KCMF1: variants seen among roughly 807,000 people sequenced by gnomAD.
KCMF1 encodes the protein E3 ubiquitin-protein ligase KCMF1.
KCMF1 carries 3 observed loss-of-function variants against 41.1 expected under a neutral mutation model. The observed-to-expected ratio is 0.07, with a 90% CI of 0.03 to 0.19. The LOEUF (loss-of-function observed/expected upper bound fraction) is 0.19, where lower values mean the gene tolerates loss of function less well. KCMF1 is among the 10% of genes least tolerant of loss of function. The probability of loss-of-function intolerance (pLI) is 1.00; values close to 1 mark genes in which losing one functional copy is unlikely to be tolerated. For missense variants in KCMF1, 286 were observed against 488.9 expected, an observed-to-expected ratio of 0.58 and a Z score of 3.91; for synonymous variants, 142 against 164.5, an observed-to-expected ratio of 0.86 and a Z score of 1.04.
intron 1 of KCMF1, among the ~76,000 whole-genome samples, chr2:84,977,784 G>A (rs947773792): frequency 6.6e-6 from 1 of 152,048 alleles, no homozygotes; most frequent in Non-Finnish European, 1.5e-5. Context: ...GAATATATAA[G>A]AATGTAAATT....
chr2:85,028,399 G>A (rs1222483829), intron 2 of KCMF1, among the ~76,000 whole-genome samples: 1 of 150,908 alleles, frequency 6.6e-6, no homozygotes, highest in East Asian at 1.9e-4. Flanking sequence ...TGGCCAGACT[G>A]GTCTCGAACT....
intron 1 of KCMF1, among the ~76,000 whole-genome samples, chr2:84,980,217 A>G (rs1673695508): frequency 6.6e-6 from 1 of 152,184 alleles, no homozygotes; most frequent in Non-Finnish European, 1.5e-5. Flanking sequence ...CATATTACCT[A>G]GATTACATGA....
At chr2:85,000,871 T>TG (rs969680849) in intron 1 of KCMF1, among the ~76,000 whole-genome samples, 31 of 150,956 alleles carry the variant, frequency 2.1e-4, no homozygotes, top group African/African-American at 7.5e-4. Flanking sequence ...TTTGCACTCC[T>TG]GGGCTCAAGC....
In KCMF1 at chr2:85,049,420, C is replaced by A; in HGVS notation, c.656C>A (p.Ser219Tyr). The A allele has an allele frequency of 6.2e-7, 1 of 1,614,046 alleles. No individual in the cohort carries two copies. The highest frequency in any genetic ancestry group is 1.1e-5 in the South Asian group (1 of 91,092). The change falls in exon 6 of 7, where the codon TCC becomes TAC. Residue 219 changes from serine to tyrosine, a missense_variant. Transcript: ENST00000409785. ...CGTTCTGCAGGAGGACAGCTTAATT[C>A]CTCTGGCCCTTCCGCTTCTCAGTTA... ...VRRSAGGQLN[S>Y]SGPSASQLQQ... is the part of the protein sequence containing the mutation.
At chr2:85,008,354 A>C (rs202247211) in intron 1 of KCMF1, among the ~76,000 whole-genome samples, 3 of 56,484 alleles carry the variant, frequency 5.3e-5, no homozygotes, top group Admixed American at 2.7e-4. Flanking sequence ...TATAATATAT[A>C]ATATATATTA....
At chr2:85,049,678 G>A in intron 6 of KCMF1, 30 bp downstream of exon 6, 1 of 1,563,896 alleles carries the variant, frequency 6.4e-7, no homozygotes, top group Middle Eastern at 1.7e-4. Context: ...AATTTTGTTT[G>A]GGAAGTAATA....
chr2:85,046,202 C>T lies in KCMF1; in HGVS notation c.525C>T (p.Ser175=), dbSNP rs1216817184. ...RARRSNMHFT[S]SSTGGLSSSQ... is the part of the protein sequence containing the mutation. ...GTAGATCAAACATGCACTTTACTAGCAGTTCTACTGGTGGACTTTCTTCTT... is the reference window on the plus strand; with the variant it reads ...GTAGATCAAACATGCACTTTACTAGTAGTTCTACTGGTGGACTTTCTTCTT... Residue 175 remains serine (S), a synonymous_variant, in exon 5 of 7, where the codon AGC becomes AGT. Coordinates refer to ENST00000409785, the MANE Select transcript of KCMF1 (RefSeq NM_020122.5). 2 of 1,613,086 alleles carry T rather than the reference C, an allele frequency of 1.2e-6. No individual in the cohort carries two copies. The highest frequency in any genetic ancestry group is 2.7e-5 in the African/African-American group (2 of 74,900).
At chr2:84,984,825 AAAAGAAAG>A (rs535946994) in intron 1 of KCMF1, among the ~76,000 whole-genome samples, 30 of 148,848 alleles carry the variant, frequency 2.0e-4, no homozygotes, top group Non-Finnish European at 3.7e-4. Flanking sequence ...CTCTGTCTCA[AAAAGAAAG>A]AAAGAAAGAA....
At chr2:85,011,002 C>G (rs543924972) in intron 1 of KCMF1, among the ~76,000 whole-genome samples, 1 of 152,202 alleles carries the variant, frequency 6.6e-6, no homozygotes, top group Admixed American at 6.5e-5. Context: ...TGCCACCACG[C>G]CCAGCCAATT....
intron 1 of KCMF1, among the ~76,000 whole-genome samples, chr2:85,003,417 G>A (rs1293495566): frequency 2.0e-5 from 3 of 152,058 alleles, no homozygotes; most frequent in Non-Finnish European, 4.4e-5. Flanking sequence ...GGCATAGCTT[G>A]CAGTGAGCCA....
intron 6 of KCMF1, 59 bp from the exon 7 acceptor site, chr2:85,053,089 G>GC: frequency 6.8e-7 from 1 of 1,474,650 alleles, no homozygotes; most frequent in Non-Finnish European, 9.1e-7. Context: ...GTAGAAATTG[G>GC]CCATGCCATT....
rs928086540 is a variant in KCMF1, at chr2:85,058,845, A to G, written c.*5436A>G. On this transcript the variant is annotated 3_prime_UTR_variant, in exon 7 of 7. Transcript: ENST00000409785. ...TGACAGCATTTGGAATCTGCCTCAC[A>G]CATAAGAGATCCATATTCATTTAAT... 5 of 152,180 alleles carry G rather than the reference A, an allele frequency of 3.3e-5. No individual in the cohort carries two copies. Among genetic ancestry groups the G allele is most frequent in the Admixed American group, 1.3e-4 (2 of 15,288 alleles). 9.4% of individuals were successfully genotyped at this position (152,180 alleles called of 1,614,324 possible).
At chr2:85,021,017 G>A (rs938274722) in intron 1 of KCMF1, among the ~76,000 whole-genome samples, 3 of 152,152 alleles carry the variant, frequency 2.0e-5, no homozygotes, top group African/African-American at 7.2e-5. Flanking sequence ...CTACAGGCAT[G>A]CACCACCACA....
At chr2:85,050,619 GC>G (rs1675784201) in intron 6 of KCMF1, among the ~76,000 whole-genome samples, 1 of 152,202 alleles carries the variant, frequency 6.6e-6, no homozygotes, top group Non-Finnish European at 1.5e-5. Flanking sequence ...TGGAGACTTA[GC>G]CTCAACAGAT....
chr2:84,971,426 G>T lies in KCMF1; in HGVS notation c.-26G>T. ...ACACTGCAGCCGGAGCCCGGGAGGG[G>T]CCGCGCCGCCACCGTCTGAACTAGG... On this transcript the variant is annotated 5_prime_UTR_variant, in exon 1 of 7. Coordinates refer to ENST00000409785, the MANE Select transcript of KCMF1 (RefSeq NM_020122.5). 8.0e-7 allele frequency: 1 copy of T among 1,242,980 alleles called. No homozygotes were observed. Among genetic ancestry groups the T allele is most frequent in the Non-Finnish European group, 1.0e-6 (1 of 973,754 alleles). 77.0% of individuals were successfully genotyped at this position (1,242,980 alleles called of 1,614,324 possible). A position where few individuals can be genotyped will look rare whatever the true frequency, so the allele number is the denominator to read the frequency against.
chr2:85,025,978 T>A (rs1311934036), intron 1 of KCMF1, among the ~76,000 whole-genome samples: 3 of 151,770 alleles, frequency 2.0e-5, no homozygotes, highest in Non-Finnish European at 2.9e-5. Flanking sequence ...TACAGAATTT[T>A]AAATTTTAAC....
chr2:85,008,358 T>TATAATATGATATATAATATATATC (rs1674555731), intron 1 of KCMF1, among the ~76,000 whole-genome samples: 1 of 111,112 alleles, frequency 9.0e-6, no homozygotes, highest in Non-Finnish European at 1.8e-5. Flanking sequence ...ATATATAATA[T>TATAATATGATATATAATATATATC]ATATTATATA....
chr2:85,025,520 C>G (rs1286324320), intron 1 of KCMF1, among the ~76,000 whole-genome samples: 1 of 152,164 alleles, frequency 6.6e-6, no homozygotes, highest in African/African-American at 2.4e-5. Flanking sequence ...ACCGTAACTC[C>G]CCGTTCTCCC....
chr2:85,049,682 A>G (rs759481765), intron 6 of KCMF1, 34 bp downstream of exon 6: 27 of 1,554,490 alleles, frequency 1.7e-5, no homozygotes, highest in Non-Finnish European at 2.2e-5. Flanking sequence ...TTGTTTGGGA[A>G]GTAATATTTT....
Sources: allele counts gnomAD v4.1 joint callset (sites outside exome capture counted in the v4.1 genomes callset), GRCh38; gene constraint gnomAD v4.1.1; transcripts MANE v1.5; gene names NCBI Gene and HGNC (gene_info 2026-07-23, HGNC 2026-07-21).